The following ADGRB1 variants were observed in gnomAD, a reference collection of about 807,000 sequenced individuals.
ADGRB1 encodes the protein adhesion G protein-coupled receptor B1.
ADGRB1 carries 36 observed loss-of-function variants against 175.7 expected under a neutral mutation model. That is an observed-to-expected ratio of 0.20 (90% CI 0.16 to 0.27). The LOEUF (loss-of-function observed/expected upper bound fraction) is 0.27. Ranked by LOEUF, ADGRB1 falls within the 10% of genes least tolerant of loss-of-function variation. ADGRB1 has a pLI of 1.00. For missense variants in ADGRB1, 1,731 were observed against 2,255.3 expected, an observed-to-expected ratio of 0.77 and a Z score of 4.71; for synonymous variants, 1,054 against 979.4, an observed-to-expected ratio of 1.08 and a Z score of -1.42.
chr8:142,518,082 G>T, intron 18 of ADGRB1, 56 bp from the exon 19 acceptor site: 1 of 1,561,364 alleles, frequency 6.4e-7, no homozygotes. Context: ...CTTCGGGTCT[G>T]CCGAGTGGGC....
In ADGRB1 at chr8:142,455,303, C is replaced by T. The variant is rs574678125; in HGVS notation, c.-220+5199C>T. Reference sequence around the variant, plus strand: ...TCACAGCCACCTCCCTCAGCATGATCGCTGTCACCTTGGCCCCCACCTTAG... The same window carrying T: ...TCACAGCCACCTCCCTCAGCATGATTGCTGTCACCTTGGCCCCCACCTTAG... On this transcript the variant is annotated intron_variant, in intron 1 of 30. Transcript: ENST00000517894. This position sits in a 1 kb window ranked among gnomAD's most constrained non-coding sequence, Gnocchi z 4.9. Among the ~76,000 whole-genome samples the T allele has an allele frequency of 6.6e-6, 1 of 152,224 alleles. No homozygotes were observed. The highest frequency in any genetic ancestry group is 2.1e-4 in the South Asian group (1 of 4,820).
At chr8:142,479,519 G>T (rs749590609) in intron 8 of ADGRB1, 32 bp downstream of exon 8, 5 of 1,525,522 alleles carry the variant, frequency 3.3e-6, no homozygotes, top group South Asian at 2.5e-5. Context: ...CTGGGCTCTG[G>T]GGAGGGCTGA....
intron 17 of ADGRB1, among the ~76,000 whole-genome samples, chr8:142,501,366 GGTA>G (rs1314109401): frequency 6.6e-6 from 1 of 151,460 alleles, no homozygotes; most frequent in Admixed American, 6.6e-5. Flanking sequence ...TGATGGTGGT[GGTA>G]GTGATGGTTG....
chr8:142,522,778 G>A (rs1843928327), intron 22 of ADGRB1, 68 bp downstream of exon 22: 1 of 1,374,756 alleles, frequency 7.3e-7, no homozygotes, highest in African/African-American at 1.5e-5. Context: ...CCGCCCTGGA[G>A]GGTGAGGGCT....
intron 19 of ADGRB1, among the ~76,000 whole-genome samples, chr8:142,520,229 G>A (rs1843707530): frequency 6.6e-6 from 1 of 150,522 alleles, no homozygotes; most frequent in African/African-American, 2.5e-5. Context: ...TGGTGGTGAT[G>A]GAGTGATGAT....
intron 2 of ADGRB1, among the ~76,000 whole-genome samples, chr8:142,468,314 A>G (rs986304038): frequency 1.3e-5 from 2 of 152,074 alleles, no homozygotes; most frequent in East Asian, 3.9e-4. Context: ...CTGTGCAGCG[A>G]TTTTTGACAG....
Position 142,484,712 on chromosome 8 carries a change from C to T in ADGRB1, c.2256C>T (p.Ile752=), listed in dbSNP as rs374347989. The change falls in exon 13 of 31, where the codon ATC becomes ATT. Residue 752 remains isoleucine, a synonymous_variant. Transcript: ENST00000517894. ...FRLVEDFVDV[I]GFRMKDLRDA... ...TGGTGGAGGACTTTGTGGACGTCAT[C>T]GGCTTCCGCATGAAGGACCTGAGGG... The T allele has an allele frequency of 9.4e-5, 152 of 1,612,022 alleles. 1 individual carries two copies. The highest frequency in any genetic ancestry group is 2.1e-4 in the South Asian group (19 of 90,606).
In ADGRB1 at chr8:142,542,149, C is replaced by T; in HGVS notation, c.3915C>T (p.His1305=). 1 of 1,613,568 alleles carries T rather than the reference C, an allele frequency of 6.2e-7. No homozygotes were observed. The highest frequency in any genetic ancestry group is 8.5e-7 in the Non-Finnish European group (1 of 1,179,796). The change falls in exon 28 of 31, where the codon CAC becomes CAT. Residue 1305 remains histidine (H), a synonymous_variant. Transcript: ENST00000517894. This position sits in a 1 kb window ranked among gnomAD's most constrained non-coding sequence, Gnocchi z 6.3. ...GGCCCCTGCCCGACTTCCCCAACCA[C>T]TCACTGACCCTCAAGAGGGACAAGG... The part of the protein sequence containing the change: ...PGGPLPDFPN[H]SLTLKRDKAP...
Position 142,510,893 on chromosome 8 carries a change from G to A in ADGRB1, c.2676-39G>A. 1 of 1,035,976 alleles carries A rather than the reference G, an allele frequency of 9.7e-7. No individual in the cohort carries two copies. The highest frequency in any genetic ancestry group is 1.2e-6 in the Non-Finnish European group (1 of 859,732). 64.2% of individuals were successfully genotyped at this position (1,035,976 alleles called of 1,614,324 possible). On this transcript the variant is annotated intron_variant, in intron 17 of 30. Transcript: ENST00000517894. This position sits in a 1 kb window ranked among gnomAD's most constrained non-coding sequence, Gnocchi z 6.3. Reference sequence around the variant, plus strand: ...CGCCCGCGTCCCCGCCGCCGCTGACGCTCCGCCTGTCTCCCTCCCGTGTCC... The same window carrying A: ...CGCCCGCGTCCCCGCCGCCGCTGACACTCCGCCTGTCTCCCTCCCGTGTCC...
chr8:142,458,348 G>T (rs1839791239), intron 1 of ADGRB1, among the ~76,000 whole-genome samples: 1 of 152,190 alleles, frequency 6.6e-6, no homozygotes, highest in Admixed American at 6.5e-5. Context: ...TGTGCAGTCT[G>T]CACAGGCCCA....
At chr8:142,494,822 C>T (rs1842138649) in intron 17 of ADGRB1, among the ~76,000 whole-genome samples, 1 of 151,962 alleles carries the variant, frequency 6.6e-6, no homozygotes, top group Non-Finnish European at 1.5e-5. Context: ...ACCAGCCTGG[C>T]TTGTAGTGCT....
intron 17 of ADGRB1, among the ~76,000 whole-genome samples, chr8:142,497,558 G>A (rs993523821): frequency 6.6e-6 from 1 of 152,192 alleles, no homozygotes; most frequent in Non-Finnish European, 1.5e-5. Context: ...CCTGGGAAGA[G>A]CCTCAGTATC....
At chr8:142,517,536 G>A (rs1843514622) in intron 18 of ADGRB1, among the ~76,000 whole-genome samples, 1 of 152,118 alleles carries the variant, frequency 6.6e-6, no homozygotes, top group South Asian at 2.1e-4. Flanking sequence ...GCAGGGGACT[G>A]AGGGGCTGTG....
At position 142,536,995 on chromosome 8, in the gene ADGRB1, C is replaced by T. The variant is rs577752659; in HGVS notation, c.3579C>T (p.Asp1193=). The T allele has an allele frequency of 3.4e-5, 54 of 1,590,534 alleles. No homozygotes were observed. The highest frequency in any genetic ancestry group is 1.1e-4 in the South Asian group (10 of 87,408). ...VHCILRREVQ[D]AVKCRVVDRQ... is the part of the protein sequence containing the mutation. The stretch of plus-strand genomic sequence containing the variant: ...CGGCTCTCCCTCCCCAGGTCCAGGA[C>T]GCTGTGAAATGCCGTGTGGTTGACC... Residue 1193 remains aspartate, a synonymous_variant, in exon 26 of 31, where the codon GAC becomes GAT. Transcript: ENST00000517894.
At chr8:142,505,369 G>A (rs947897462) in intron 17 of ADGRB1, among the ~76,000 whole-genome samples, 3 of 152,244 alleles carry the variant, frequency 2.0e-5, no homozygotes, top group Non-Finnish European at 4.4e-5. Context: ...GGACTCAGTG[G>A]AGGTGCCTGT....
chr8:142,531,926 T>A (rs1844645512), intron 24 of ADGRB1, among the ~76,000 whole-genome samples: 2 of 152,112 alleles, frequency 1.3e-5, no homozygotes, highest in South Asian at 2.1e-4. Context: ...ACAGGTGTTC[T>A]GCACTAGGGG....
rs1843083365 is a variant in ADGRB1, at chr8:142,511,205, T to G, written c.2817+132T>G. ...GGGTCGCTGTGGCCCGCAGCCGCCG[T>G]GGCCTGGCCCGGCCGGCGGGGTCCA... On this transcript the variant is annotated intron_variant, in intron 18 of 30. Transcript: ENST00000517894. The surrounding 1 kb of genome is among the most constrained non-coding windows in gnomAD (Gnocchi z 4.5). 4 of 768,422 alleles carry G rather than the reference T, an allele frequency of 5.2e-6. No individual in the cohort carries two copies. Among genetic ancestry groups the G allele is most frequent in the Non-Finnish European group, 6.4e-6 (4 of 627,668 alleles). The allele number at this position is 768,422 out of a possible 1,614,324, so 47.6% of individuals were successfully genotyped here.
At chr8:142,532,979 A>G (rs933663079) in intron 24 of ADGRB1, among the ~76,000 whole-genome samples, 2 of 151,578 alleles carry the variant, frequency 1.3e-5, no homozygotes, top group Non-Finnish European at 2.9e-5. Context: ...GGGCTTGGGG[A>G]GGGGGTGCTG....
chr8:142,540,353 C>A (rs552814326), intron 27 of ADGRB1, among the ~76,000 whole-genome samples: 95 of 152,264 alleles, frequency 6.2e-4, no homozygotes, highest in Non-Finnish European at 1.0e-3. Flanking sequence ...GTCCCACAGC[C>A]TCTCAGAGGG....
Sources: gnomAD v4.1 joint callset for allele counts (sites outside exome capture counted in the v4.1 genomes callset) on GRCh38, gnomAD v4.1.1 for gene constraint, Gnocchi (gnomAD v3.1) non-coding constraint, MANE v1.5 for transcripts, NCBI Gene and HGNC (gene_info 2026-07-23, HGNC 2026-07-21) for gene names.